Variants in MADD observed in about 807,000 individuals in gnomAD.
The protein encoded by MADD is MAP kinase activating death domain.
A neutral mutation model predicts 176.7 loss-of-function variants in MADD; 109 were observed. The observed-to-expected ratio is 0.62, with a 90% CI of 0.53 to 0.72. The LOEUF (loss-of-function observed/expected upper bound fraction) is 0.72. Among genes scored for constraint, MADD ranks in the 30% least tolerant of loss-of-function variants. The pLI is 0.00. For synonymous variants in MADD, 771 were observed against 771.3 expected, an observed-to-expected ratio of 1.00 and a Z score of 0.01; for missense variants, 1,914 against 2,045.5, an observed-to-expected ratio of 0.94 and a Z score of 1.24.
chr11:47,319,361 G>C (rs935738861), intron 27 of MADD, among the ~76,000 whole-genome samples: 2 of 151,988 alleles, frequency 1.3e-5, no homozygotes, highest in Non-Finnish European at 1.5e-5. Flanking sequence ...TTGAACTCCT[G>C]ACCTTAAGTG....
intron 1 of MADD, 81 bp downstream of exon 1, chr11:47,270,327 G>T (rs2135870333): frequency 1.3e-5 from 2 of 151,956 alleles, no homozygotes; most frequent in South Asian, 4.2e-4. Flanking sequence ...AGGACACCGT[G>T]GCTCTTGGAG....
rs201234903 is a variant in MADD at position 47,323,676 on chromosome 11, C to T, written c.4203C>T (p.Cys1401=). 108 of 1,612,840 alleles carry T rather than the reference C, an allele frequency of 6.7e-5. No individual in the cohort carries two copies. In the East Asian group the frequency reaches 8.9e-4, roughly 13 times the overall value. The change falls in exon 28 of 33, where the codon TGC becomes TGT. Residue 1401 remains cysteine, a synonymous_variant. Transcript: ENST00000402192. ...CGCTTTGTGCACTTCTCCAGGTGTGCGATGACTGTGTGGTGTTGCGTAGTA... is the reference window on the plus strand; with the variant it reads ...CGCTTTGTGCACTTCTCCAGGTGTGTGATGACTGTGTGGTGTTGCGTAGTA...
At chr11:47,327,550 T>A in intron 31 of MADD, 1 of 985,338 alleles carries the variant, frequency 1.0e-6, no homozygotes, top group African/African-American at 1.7e-5. Context: ...CCAGCTCGTC[T>A]CTTCCTTTCT....
chr11:47,315,575 A>G (rs931909788), intron 27 of MADD, among the ~76,000 whole-genome samples: 1 of 151,662 alleles, frequency 6.6e-6, no homozygotes, highest in African/African-American at 2.4e-5. Flanking sequence ...CCCGGGTTCA[A>G]GCAGTTCTCC....
At chr11:47,315,442 A>G in intron 27 of MADD, 115 bp downstream of exon 30, 1 of 601,322 alleles carries the variant, frequency 1.7e-6, no homozygotes, top group East Asian at 2.9e-5. Context: ...TGATCTATTT[A>G]TCATTAAATT....
intron 27 of MADD, among the ~76,000 whole-genome samples, chr11:47,320,426 G>A (rs2094244389): frequency 6.6e-6 from 1 of 151,588 alleles, no homozygotes; most frequent in Non-Finnish European, 1.5e-5. Flanking sequence ...CTTCACTCCA[G>A]CCTGGGCGAC....
rs553336724 is a variant in MADD, at chr11:47,280,047, G to A, written c.1290+968G>A. On this transcript the variant is annotated intron_variant, in intron 7 of 32. Coordinates refer to ENST00000402192, the Ensembl canonical transcript of MADD. ...ATTGCGCCATTGCACTCCTGCCTGG[G>A]CCACAGAGTGAGACTCAGTCTCAAA... Among the ~76,000 whole-genome samples, 11 of 152,272 alleles carry A rather than the reference G, an allele frequency of 7.2e-5. 1 individual carries two copies. The highest frequency in any genetic ancestry group is 2.6e-4 in the Admixed American group (4 of 15,300).
intron 26 of MADD, among the ~76,000 whole-genome samples, chr11:47,313,820 C>T (rs1400654267): frequency 9.2e-5 from 14 of 151,920 alleles, no homozygotes; most frequent in East Asian, 3.9e-4. Context: ...AGTGCAGCGG[C>T]GCGATCTCGG....
intron 32 of MADD, 92 bp from the exon 37 acceptor site, chr11:47,328,954 T>C: frequency 1.8e-6 from 2 of 1,139,028 alleles, no homozygotes; most frequent in Non-Finnish European, 2.7e-6. Context: ...CCATGCCCAG[T>C]GTTAGGGCAG....
intron 7 of MADD, among the ~76,000 whole-genome samples, chr11:47,280,729 T>G (rs1350893959): frequency 6.6e-6 from 1 of 152,024 alleles, no homozygotes; most frequent in Non-Finnish European, 1.5e-5. Context: ...TGTGCCCAGC[T>G]AATTTGTTTG....
chr11:47,278,452 A>G (rs2052702522), intron 6 of MADD, among the ~76,000 whole-genome samples, 174 bp downstream of exon 6: 1 of 152,228 alleles, frequency 6.6e-6, no homozygotes. Flanking sequence ...CTTATTAGCC[A>G]AATAAACCCT....
At position 47,326,811 on chromosome 11, in the gene MADD, A is replaced by G; in HGVS notation, c.4612+4A>G. 2 of 1,614,038 alleles carry G rather than the reference A, an allele frequency of 1.2e-6. No homozygotes were observed. The highest frequency in any genetic ancestry group is 1.7e-6 in the Non-Finnish European group (2 of 1,179,968). Reference sequence around the variant, plus strand: ...GTCTTTGTCCTGGAGGAATTTGGTAATTACACTATTTTGCTCTTAGGTCTG... The same window carrying G: ...GTCTTTGTCCTGGAGGAATTTGGTAGTTACACTATTTTGCTCTTAGGTCTG... On this transcript the variant is annotated splice_donor_region_variant and intron_variant, in intron 31 of 32. Coordinates refer to ENST00000402192, the Ensembl canonical transcript of MADD.
At position 47,275,171 on chromosome 11, in the gene MADD, T is replaced by A; in HGVS notation, c.659+12T>A. On this transcript the variant is annotated intron_variant, in intron 3 of 32. Coordinates refer to ENST00000402192, the Ensembl canonical transcript of MADD. ...CGAGGCGTACAAAGGTACAGTTTGCTGCTGATGCCTAATGGGGGAAGCATT... is the reference window on the plus strand; with the variant it reads ...CGAGGCGTACAAAGGTACAGTTTGCAGCTGATGCCTAATGGGGGAAGCATT... 6.3e-7 allele frequency: 1 copy of A among 1,599,876 alleles called. No homozygotes were observed. Among genetic ancestry groups the A allele is most frequent in the Non-Finnish European group, 8.5e-7 (1 of 1,172,466 alleles).
chr11:47,314,812 C>A (rs532562419), intron 26 of MADD, among the ~76,000 whole-genome samples: 1 of 152,230 alleles, frequency 6.6e-6, no homozygotes, highest in East Asian at 1.9e-4. Context: ...CTATTTGATT[C>A]TAAGCCAAAC....
Position 47,309,051 on chromosome 11 carries a change from A to G in MADD, c.3752-230A>G. On this transcript the variant is annotated intron_variant, in intron 23 of 32. Transcript: ENST00000402192. ...GGAGACCTTTTCTATAAGTAACCAC[A>G]TTTATTTGTGTGCTGTGTTCATCCC... The G allele has an allele frequency of 1.2e-6, 2 of 1,613,890 alleles. No individual in the cohort carries two copies. Among genetic ancestry groups the G allele is most frequent in the African/African-American group, 1.3e-5 (1 of 75,010 alleles).
chr11:47,292,505 T>C, intron 19 of MADD, 38 bp from the exon 21 acceptor site: 1 of 1,603,680 alleles, frequency 6.2e-7, no homozygotes, highest in Non-Finnish European at 8.5e-7. Flanking sequence ...CCTCTGACTT[T>C]CTGTCTTTCT....
chr11:47,287,295 C>T (rs1421596634), intron 15 of MADD, among the ~76,000 whole-genome samples: 1 of 152,212 alleles, frequency 6.6e-6, no homozygotes, highest in Non-Finnish European at 1.5e-5. Flanking sequence ...GCACTCCAGC[C>T]TGGGTGACAG....
chr11:47,281,382 A>G (rs2056572278), intron 7 of MADD, among the ~76,000 whole-genome samples, 193 bp from the exon 8 acceptor site: 1 of 152,190 alleles, frequency 6.6e-6, no homozygotes, highest in Non-Finnish European at 1.5e-5. Context: ...GAATATTGGG[A>G]TTTTTATTTC....
intron 22 of MADD, among the ~76,000 whole-genome samples, chr11:47,303,841 C>G (rs2080141537): frequency 6.6e-6 from 1 of 151,682 alleles, no homozygotes; most frequent in South Asian, 2.1e-4. Context: ...CTCCTGACTT[C>G]AAATGATCTG....
Sources: gnomAD v4.1 joint callset for allele counts (sites outside exome capture counted in the v4.1 genomes callset) on GRCh38, gnomAD v4.1.1 for gene constraint, MANE v1.5 for transcripts, NCBI Gene and HGNC (gene_info 2026-07-23, HGNC 2026-07-21) for gene names.